The following CALN1 variants were observed in gnomAD, a reference collection of about 807,000 sequenced individuals.
CALN1 encodes calcium-binding protein 8.
CALN1 carries 17 observed loss-of-function variants against 30.6 expected under a neutral mutation model. The observed-to-expected ratio is 0.56, with a 90% CI of 0.38 to 0.83. CALN1 has a LOEUF of 0.83. CALN1 is among the 40% of genes least tolerant of loss of function. The pLI, the probability that CALN1 is intolerant of heterozygous loss-of-function variation, is 0.00. For synonymous variants in CALN1, 156 were observed against 131.4 expected, an observed-to-expected ratio of 1.19 and a Z score of -1.28; for missense variants, 291 against 354.9, an observed-to-expected ratio of 0.82 and a Z score of 1.45.
intron 2 of CALN1, among the ~76,000 whole-genome samples, chr7:72,328,048 A>G (rs1218806878): frequency 1.3e-5 from 2 of 152,210 alleles, no homozygotes; most frequent in Non-Finnish European, 2.9e-5. Context: ...GGTATTGAGA[A>G]TGAGAGTGAA....
intron 5 of CALN1, among the ~76,000 whole-genome samples, chr7:71,948,123 G>A (rs886608886): frequency 6.6e-6 from 1 of 152,000 alleles, no homozygotes; most frequent in South Asian, 2.1e-4. Flanking sequence ...AAGGTACCTT[G>A]AGCCAGCACC....
At chr7:72,145,131 C>A (rs1480663954) in intron 3 of CALN1, among the ~76,000 whole-genome samples, 4 of 152,080 alleles carry the variant, frequency 2.6e-5, no homozygotes, top group African/African-American at 9.7e-5. Flanking sequence ...CAGAGCAGAA[C>A]TGAAGGAGAC....
At chr7:72,399,020 C>T (rs1806163642) in intron 2 of CALN1, among the ~76,000 whole-genome samples, 1 of 152,072 alleles carries the variant, frequency 6.6e-6, no homozygotes, top group Non-Finnish European at 1.5e-5. Flanking sequence ...GGCTTCCTTG[C>T]TTCACTCCCT....
intron 4 of CALN1, among the ~76,000 whole-genome samples, chr7:72,059,049 A>T (rs538553669): frequency 6.6e-6 from 1 of 152,354 alleles, no homozygotes; most frequent in South Asian, 2.1e-4. Flanking sequence ...TTTTTAAACT[A>T]AAACTTTAGA....
Position 71,861,777 on chromosome 7 carries a change from CAA to C in CALN1, c.502-51287_502-51286del, listed in dbSNP as rs35793572. Among the ~76,000 whole-genome samples the C allele has an allele frequency of 1.9e-3, 142 of 74,700 alleles. 2 individuals carry two copies. In the South Asian group the frequency reaches 0.047, roughly 25 times the overall value. The allele number at this position is 74,700 out of a possible 152,430, so 49.0% of individuals were successfully genotyped here. A position where few individuals can be genotyped will look rare whatever the true frequency, so the allele number is the denominator to read the frequency against. On this transcript the variant is annotated intron_variant, in intron 5 of 6. Coordinates refer to ENST00000395275, the MANE Select transcript of CALN1 (RefSeq NM_031468.4). Reference sequence around the variant, plus strand: ...ATGGGTGAAAGAGTGCAACTCTATCCAAAAAAAAAAAAAAAAAAAAAAAGAGA... The same window carrying C: ...ATGGGTGAAAGAGTGCAACTCTATCCAAAAAAAAAAAAAAAAAAAAAGAGA...
intron 5 of CALN1, among the ~76,000 whole-genome samples, chr7:71,987,697 G>A (rs1798745600): frequency 6.6e-6 from 1 of 152,224 alleles, no homozygotes; most frequent in South Asian, 2.1e-4. Flanking sequence ...GTCTTTGAAA[G>A]ATTTTGAGCA....
intron 5 of CALN1, among the ~76,000 whole-genome samples, chr7:71,978,429 C>A (rs373684562): frequency 6.6e-6 from 1 of 151,754 alleles, no homozygotes; most frequent in East Asian, 1.9e-4. Context: ...CCCCCCACCA[C>A]GCCCAGCTAA....
At chr7:72,063,078 T>G (rs182998711) in intron 4 of CALN1, among the ~76,000 whole-genome samples, 5 of 152,176 alleles carry the variant, frequency 3.3e-5, no homozygotes, top group Admixed American at 3.3e-4. Context: ...CTCATGAACT[T>G]AGACACAAAG....
chr7:72,378,910 T>C (rs572167298), intron 2 of CALN1, among the ~76,000 whole-genome samples: 6 of 152,246 alleles, frequency 3.9e-5, no homozygotes, highest in African/African-American at 1.4e-4. Context: ...AAGCCAGGAA[T>C]GAATGTTGGA....
chr7:72,465,582 G>A, the CALN1 span, among the ~76,000 whole-genome samples: 1 of 152,124 alleles, frequency 6.6e-6, no homozygotes, highest in Non-Finnish European at 1.5e-5. Flanking sequence ...AGCTCTCCAA[G>A]GCCAGACCAA....
intron 5 of CALN1, among the ~76,000 whole-genome samples, chr7:71,952,125 C>T (rs1271940000): frequency 6.6e-6 from 1 of 152,164 alleles, no homozygotes. Context: ...GAAGAGTCTG[C>T]CCAGCAGCTT....
At chr7:72,411,976 G>A (rs1268101447) in intron 1 of CALN1, 82 bp downstream of exon 1, 3 of 152,274 alleles carry the variant, frequency 2.0e-5, no homozygotes, top group East Asian at 1.9e-4. Flanking sequence ...GACTATGAAA[G>A]TACCCAGATG....
chr7:71,826,011 G>A (rs1158567303), intron 5 of CALN1, among the ~76,000 whole-genome samples: 1 of 140,276 alleles, frequency 7.1e-6, no homozygotes, highest in Non-Finnish European at 1.5e-5. Flanking sequence ...CCAGCCTGGG[G>A]GACAGAGCGA....
intron 1 of CALN1, among the ~76,000 whole-genome samples, chr7:72,434,989 G>A (rs1310482716): frequency 6.6e-6 from 1 of 152,204 alleles, no homozygotes; most frequent in African/African-American, 2.4e-5. Context: ...CACTTTGGGA[G>A]GCCAAGGTGG....
chr7:72,466,581 T>G, the CALN1 span, among the ~76,000 whole-genome samples: 1 of 152,020 alleles, frequency 6.6e-6, no homozygotes, highest in African/African-American at 2.4e-5. Context: ...CCGTCTCTAT[T>G]AAAAATACAA....
chr7:72,090,657 CTAAGA>C (rs1380226904), intron 4 of CALN1, among the ~76,000 whole-genome samples: 1 of 152,152 alleles, frequency 6.6e-6, no homozygotes, highest in Non-Finnish European at 1.5e-5. Flanking sequence ...TTCACAATAG[CTAAGA>C]TATGAAATCT....
intron 5 of CALN1, among the ~76,000 whole-genome samples, chr7:72,017,110 G>A (rs1800434669): frequency 6.7e-6 from 1 of 148,620 alleles, no homozygotes; most frequent in Non-Finnish European, 1.5e-5. Context: ...GCTGCAGTGA[G>A]CCGAGATGAT....
chr7:71,875,153 T>C (rs1232663895), intron 5 of CALN1, among the ~76,000 whole-genome samples: 2 of 101,784 alleles, frequency 2.0e-5, no homozygotes, highest in African/African-American at 8.2e-5. Context: ...TAAAGGAGAC[T>C]CTGTCTCAAA....
chr7:72,268,228 A>G (rs1796721991), intron 3 of CALN1, among the ~76,000 whole-genome samples: 2 of 152,166 alleles, frequency 1.3e-5, no homozygotes, highest in African/African-American at 4.8e-5. Context: ...AGGCAGACAA[A>G]GAATATGTCT....
Sources: allele counts gnomAD v4.1 joint callset (sites outside exome capture counted in the v4.1 genomes callset), GRCh38; gene constraint gnomAD v4.1.1; transcripts MANE v1.5; gene names NCBI Gene and HGNC (gene_info 2026-07-23, HGNC 2026-07-21).